VIPAS39: variants seen among roughly 807,000 people sequenced by gnomAD.
The protein encoded by VIPAS39 is spermatogenesis-defective protein 39 homolog.
In VIPAS39, 63 loss-of-function variants were observed where a neutral mutation model predicts 84.7. The ratio of observed to expected loss-of-function variants is 0.74; its 90% CI spans 0.61 to 0.92. The LOEUF (loss-of-function observed/expected upper bound fraction) is 0.92, where lower values mean the gene tolerates loss of function less well. VIPAS39 is among the 40% of genes least tolerant of loss of function. The pLI is 0.00. For missense variants in VIPAS39, 499 were observed against 604.5 expected (o/e 0.83, Z 1.83); for synonymous variants, 192 against 216.5 (o/e 0.89, Z 0.99).
Position 77,426,857 on chromosome 14 carries a change from C to A in VIPAS39, c.*759G>T, listed in dbSNP as rs2078439302. 1 of 152,198 alleles carries A rather than the reference C, an allele frequency of 6.6e-6. No individual in the cohort carries two copies. The highest frequency in any genetic ancestry group is 2.1e-4 in the South Asian group (1 of 4,820). The allele number at this position is 152,198 out of a possible 1,614,324, so 9.4% of individuals were successfully genotyped here. A position where few individuals can be genotyped will look rare whatever the true frequency, so the allele number is the denominator to read the frequency against. On this transcript the variant is annotated 3_prime_UTR_variant, in exon 20 of 20. Transcript: ENST00000557658. ...TTAGCCCAGGTGAAACTTCTGAAAG[C>A]TCCTGGTGAAATGAGATTTTTGCAT...
intron 16 of VIPAS39, among the ~76,000 whole-genome samples, chr14:77,431,017 C>T (rs2078514240): frequency 6.6e-6 from 1 of 152,130 alleles, no homozygotes; most frequent in South Asian, 2.1e-4. Flanking sequence ...CTTTATCTTA[C>T]ACCATACACA....
chr14:77,443,446 T>A (rs1434642263), intron 8 of VIPAS39, among the ~76,000 whole-genome samples: 1 of 152,180 alleles, frequency 6.6e-6, no homozygotes, highest in Admixed American at 6.5e-5. Context: ...GTGTCTTGGT[T>A]ACAATCAACG....
At position 77,457,485 on chromosome 14, in the gene VIPAS39, A is replaced by G. The variant is rs1043383716; in HGVS notation, c.-1+10T>C. ...AGATACGCGACCCAAGGGGCTTGGG[A>G]CACCCTCACCTCTTCCGCACAGAGC... On this transcript the variant is annotated intron_variant, in intron 1 of 19. Coordinates refer to ENST00000557658, the MANE Select transcript of VIPAS39 (RefSeq NM_001193315.2). 9 of 1,283,250 alleles carry G rather than the reference A, an allele frequency of 7.0e-6. No homozygotes were observed. In the Admixed American group the frequency reaches 1.0e-4, roughly 14 times the overall value. The allele number at this position is 1,283,250 out of a possible 1,614,324, so 79.5% of individuals were successfully genotyped here.
intron 2 of VIPAS39, 43 bp downstream of exon 2, chr14:77,453,967 G>A (rs369989235): frequency 5.7e-6 from 9 of 1,590,146 alleles, no homozygotes; most frequent in Non-Finnish European, 6.9e-6. Context: ...GAATTTTATA[G>A]TGGCACTGTG....
chr14:77,429,493 GT>G (rs1039644143), intron 17 of VIPAS39, among the ~76,000 whole-genome samples, 187 bp downstream of exon 17: 1 of 152,200 alleles, frequency 6.6e-6, no homozygotes, highest in African/African-American at 2.4e-5. Context: ...GTTTGGAATT[GT>G]TTCTAAAGGG....
intron 3 of VIPAS39, among the ~76,000 whole-genome samples, chr14:77,452,458 A>T (rs529329968): frequency 4.6e-5 from 7 of 151,942 alleles, no homozygotes; most frequent in African/African-American, 1.2e-4. Context: ...CCTATTTTTT[A>T]AAAACTTTCA....
At position 77,426,983 on chromosome 14, in the gene VIPAS39, A is replaced by G. The variant is rs1305244256; in HGVS notation, c.*633T>C. 2.0e-5 allele frequency: 3 copies of G among 153,112 alleles called. No homozygotes were observed. Among genetic ancestry groups the G allele is most frequent in the East Asian group, 1.9e-4 (1 of 5,184 alleles). The allele number at this position is 153,112 out of a possible 1,614,324, so 9.5% of individuals were successfully genotyped here. A position where few individuals can be genotyped will look rare whatever the true frequency, so the allele number is the denominator to read the frequency against. On this transcript the variant is annotated 3_prime_UTR_variant, in exon 20 of 20. Coordinates refer to ENST00000557658, the MANE Select transcript of VIPAS39 (RefSeq NM_001193315.2). ...AGATAAAGGGGATGTCTCATCACCC[A>G]AGCAAGGTCGTCTGTGTTCAAGTGA...
chr14:77,450,790 G>A (rs1017738619), intron 4 of VIPAS39, among the ~76,000 whole-genome samples: 2 of 152,180 alleles, frequency 1.3e-5, no homozygotes, highest in African/African-American at 2.4e-5. Flanking sequence ...GATTACAGGC[G>A]TGAGCCACCA....
At chr14:77,429,599 G>A in intron 17 of VIPAS39, 82 bp downstream of exon 17, 2 of 1,385,356 alleles carry the variant, frequency 1.4e-6, no homozygotes, top group South Asian at 1.2e-5. Context: ...AGCAGATCGG[G>A]TCTCCCATCA....
intron 10 of VIPAS39, 122 bp downstream of exon 10, chr14:77,442,438 T>C (rs755440649): frequency 2.2e-5 from 19 of 854,618 alleles, no homozygotes; most frequent in Non-Finnish European, 3.4e-5. Context: ...CACACTTCAA[T>C]AGCTTGTCTT....
In VIPAS39 at chr14:77,453,286, C is replaced by T. The variant is rs546757955; in HGVS notation, c.196+13G>A. ...CTCAACATCTATCCCTGCCTAGGGA[C>T]TCTTCTACTTACTTCCCACAGGTTC... On this transcript the variant is annotated intron_variant, in intron 3 of 19. Coordinates refer to ENST00000557658, the MANE Select transcript of VIPAS39 (RefSeq NM_001193315.2). 5 of 1,612,744 alleles carry T rather than the reference C, an allele frequency of 3.1e-6. No homozygotes were observed. Among genetic ancestry groups the T allele is most frequent in the Admixed American group, 1.7e-5 (1 of 60,006 alleles).
intron 16 of VIPAS39, among the ~76,000 whole-genome samples, chr14:77,430,790 A>C (rs184604365): frequency 4.6e-4 from 70 of 152,212 alleles, no homozygotes; most frequent in African/African-American, 1.6e-3. Flanking sequence ...ATTATATTAC[A>C]AAGTTACATA....
Position 77,429,786 on chromosome 14 carries a change from G to A in VIPAS39, c.1180-19C>T, listed in dbSNP as rs1566720884. On this transcript the variant is annotated intron_variant, in intron 16 of 19. Transcript: ENST00000557658. ...GCCAGTTCTGAAAGAGGAAGATGGG[G>A]TAGCGGCAGGTAGGCCAGGCACACT... 1 of 1,605,820 alleles carries A rather than the reference G, an allele frequency of 6.2e-7. No homozygotes were observed. The highest frequency in any genetic ancestry group is 1.3e-5 in the African/African-American group (1 of 74,786).
chr14:77,441,498 G>A (rs922872698), intron 10 of VIPAS39, among the ~76,000 whole-genome samples: 1 of 152,038 alleles, frequency 6.6e-6, no homozygotes, highest in African/African-American at 2.4e-5. Flanking sequence ...CCAGACCTTG[G>A]AGCACCAGGA....
chr14:77,456,015 A>C (rs970348626), intron 1 of VIPAS39, among the ~76,000 whole-genome samples: 3 of 152,226 alleles, frequency 2.0e-5, no homozygotes, highest in Non-Finnish European at 4.4e-5. Context: ...TGGATAAATG[A>C]CTTTACTTCT....
chr14:77,453,312 C>T lies in VIPAS39; in HGVS notation c.183G>A (p.Gly61=). ...DDDLERVSWS[G]EPVGSISWSI... is the part of the protein sequence containing the mutation. ...TCTTCTACTTACTTCCCACAGGTTCCCCACTCCAGCTGACTCGCTCCAGGT... is the reference window on the plus strand; with the variant it reads ...TCTTCTACTTACTTCCCACAGGTTCTCCACTCCAGCTGACTCGCTCCAGGT... The change falls in exon 3 of 20, where the codon GGG becomes GGA. Residue 61 remains glycine, a synonymous_variant. Transcript: ENST00000557658. 2 of 1,614,122 alleles carry T rather than the reference C, an allele frequency of 1.2e-6. No individual in the cohort carries two copies. Among genetic ancestry groups the T allele is most frequent in the Non-Finnish European group, 1.7e-6 (2 of 1,180,028 alleles).
chr14:77,434,253 T>G lies in VIPAS39; in HGVS notation c.1089+9A>C, dbSNP rs377726527. On this transcript the variant is annotated intron_variant, in intron 15 of 19. Coordinates refer to ENST00000557658, the MANE Select transcript of VIPAS39 (RefSeq NM_001193315.2). ...ACTAGTTTCATAACACTGACCAATT[T>G]GTATCTACCTTAAATGTCTTCTTCA... is the stretch of plus-strand genomic sequence containing the variant. 15 of 1,613,800 alleles carry G rather than the reference T, an allele frequency of 9.3e-6. No individual in the cohort carries two copies. The African/African-American group carries it at 1.1e-4, about 11-fold the overall frequency.
At chr14:77,433,047 ACAACCAAACTCAATC>A (rs1175294017) in intron 16 of VIPAS39, among the ~76,000 whole-genome samples, 6 of 152,348 alleles carry the variant, frequency 3.9e-5, no homozygotes, top group Non-Finnish European at 8.8e-5. Context: ...TAAAGACATG[ACAACCAAACTCAATC>A]CAAGGTCTTT....
chr14:77,444,196 A>G, intron 8 of VIPAS39, 53 bp downstream of exon 8: 2 of 1,549,278 alleles, frequency 1.3e-6, no homozygotes, highest in Admixed American at 1.7e-5. Flanking sequence ...TTGGATTTTC[A>G]GAAACTAGTG....
Sources: gnomAD v4.1 joint callset for allele counts (sites outside exome capture counted in the v4.1 genomes callset) on GRCh38, gnomAD v4.1.1 for gene constraint, MANE v1.5 for transcripts, NCBI Gene and HGNC (gene_info 2026-07-23, HGNC 2026-07-21) for gene names.